Variants in RGS5 observed in about 807,000 individuals in gnomAD.
The protein encoded by RGS5 is regulator of G-protein signalling 5.
RGS5 carries 20 observed loss-of-function variants against 18.9 expected under a neutral mutation model. The ratio of observed to expected loss-of-function variants is 1.06; its 90% CI spans 0.74 to 1.54. The LOEUF (loss-of-function observed/expected upper bound fraction) is 1.54. Among genes scored for constraint, RGS5 ranks in the 40% most tolerant of loss-of-function variants. The pLI, the probability that RGS5 is intolerant of heterozygous loss-of-function variation, is 0.00. For missense variants in RGS5, 201 were observed against 211.8 expected (o/e 0.95, Z 0.32); for synonymous variants, 57 against 76.2 (o/e 0.75, Z 1.31).
At chr1:163,180,684 C>CTTTTTTTTTTTTTTT (rs1429373041) in intron 1 of RGS5, among the ~76,000 whole-genome samples, 2 of 81,906 alleles carry the variant, frequency 2.4e-5, no homozygotes, top group African/African-American at 4.8e-5. Context: ...AGCCCTTACC[C>CTTTTTTTTTTTTTTT]TGTTTTTTTT....
At chr1:163,204,408 G>A (rs1659891822), upstream of RGS5, among the ~76,000 whole-genome samples, 1 of 151,900 alleles carries the variant, frequency 6.6e-6, no homozygotes, top group African/African-American at 2.4e-5. Flanking sequence ...GGAGTGAAGT[G>A]GCATGATTAT....
At chr1:163,166,821 A>C (rs1658076484) in intron 2 of RGS5, among the ~76,000 whole-genome samples, 1 of 152,218 alleles carries the variant, frequency 6.6e-6, no homozygotes, top group Non-Finnish European at 1.5e-5. Flanking sequence ...GTGAATGTTA[A>C]AGCAGAGATT....
intron 2 of RGS5, among the ~76,000 whole-genome samples, chr1:163,277,345 T>C (rs1411854804): frequency 6.6e-6 from 1 of 152,218 alleles, no homozygotes; most frequent in African/African-American, 2.4e-5. Flanking sequence ...CTTGGGCACA[T>C]GTCAGGACCT....
intron 1 of RGS5, chr1:163,321,294 C>T (rs938264769): frequency 6.6e-6 from 1 of 152,214 alleles, no homozygotes; most frequent in Non-Finnish European, 1.5e-5. Flanking sequence ...TCACTTCTCT[C>T]TGAGTCCAGT....
chr1:163,285,117 C>T (rs1232044936), intron 2 of RGS5, among the ~76,000 whole-genome samples: 1 of 152,176 alleles, frequency 6.6e-6, no homozygotes, highest in East Asian at 1.9e-4. Flanking sequence ...AATCATCTCC[C>T]ACTGAGTCCC....
At chr1:163,296,784 C>T (rs1014441219) in intron 2 of RGS5, among the ~76,000 whole-genome samples, 2 of 152,144 alleles carry the variant, frequency 1.3e-5, no homozygotes, top group Non-Finnish European at 2.9e-5. Flanking sequence ...GCTCAAGGTA[C>T]ACTACCCCAA....
chr1:163,313,818 G>T (rs548072347), intron 1 of RGS5, among the ~76,000 whole-genome samples: 1 of 152,234 alleles, frequency 6.6e-6, no homozygotes, highest in African/African-American at 2.4e-5. Context: ...TGCTGCACAG[G>T]TTACAAAAAT....
chr1:163,287,424 T>C (rs1649172938), intron 2 of RGS5, among the ~76,000 whole-genome samples: 1 of 152,194 alleles, frequency 6.6e-6, no homozygotes, highest in South Asian at 2.1e-4. Flanking sequence ...ACTGGTTCAT[T>C]AAAGAATCAC....
chr1:163,255,904 T>G (rs1345904968), intron 2 of RGS5, among the ~76,000 whole-genome samples: 1 of 152,084 alleles, frequency 6.6e-6, no homozygotes, highest in East Asian at 1.9e-4. Context: ...TTGACAAAAT[T>G]CAACAACCCT....
rs144925700 is a variant in RGS5 at position 163,165,718 on chromosome 1, C to T, written c.155+2540G>A. On this transcript the variant is annotated intron_variant, in intron 2 of 4. Transcript: ENST00000313961. ...GTCAGGTGTTCGAGACCAGCCTGAC[C>T]AACATGGAGAAACCCTGTCTCTACT... Among the ~76,000 whole-genome samples, 690 of 152,126 alleles carry T rather than the reference C, an allele frequency of 4.5e-3. 5 individuals carry two copies. Among genetic ancestry groups the T allele is most frequent in the African/African-American group, 0.016 (664 of 41,488 alleles).
At chr1:163,217,717 T>G (rs369562342), upstream of RGS5, 1 of 1,314,992 alleles carries the variant, frequency 7.6e-7, no homozygotes, top group Non-Finnish European at 1.0e-6. Flanking sequence ...CTTGATGACA[T>G]TGTTGAGCTA....
chr1:163,185,374 G>A (rs1659026592), intron 1 of RGS5, among the ~76,000 whole-genome samples: 1 of 152,126 alleles, frequency 6.6e-6, no homozygotes, highest in Admixed American at 6.5e-5. Context: ...CTTTTGACTT[G>A]AAATCATCTA....
At chr1:163,275,738 T>G (rs1000741128) in intron 2 of RGS5, among the ~76,000 whole-genome samples, 1 of 152,132 alleles carries the variant, frequency 6.6e-6, no homozygotes, top group Non-Finnish European at 1.5e-5. Context: ...ATGGCAGAAA[T>G]AGGGCTAATT....
chr1:163,264,918 C>A (rs1365759177), intron 2 of RGS5, among the ~76,000 whole-genome samples: 2 of 152,078 alleles, frequency 1.3e-5, no homozygotes, highest in Non-Finnish European at 2.9e-5. Flanking sequence ...AGACCCTTAC[C>A]CCTCTGAATC....
intron 1 of RGS5, among the ~76,000 whole-genome samples, chr1:163,215,217 A>G (rs909134046): frequency 3.3e-5 from 5 of 152,188 alleles, no homozygotes; most frequent in African/African-American, 1.2e-4. Flanking sequence ...TTCATCGTAT[A>G]TAGTCAAAAT....
intron 1 of RGS5, among the ~76,000 whole-genome samples, chr1:163,189,907 G>A (rs1441458533): frequency 6.6e-6 from 1 of 152,178 alleles, no homozygotes; most frequent in African/African-American, 2.4e-5. Flanking sequence ...GAAATTGAGA[G>A]AACAGAAAAA....
intron 1 of RGS5, among the ~76,000 whole-genome samples, chr1:163,175,902 T>G (rs1164337325): frequency 1.3e-5 from 2 of 152,150 alleles, no homozygotes; most frequent in Non-Finnish European, 2.9e-5. Context: ...AGTAGTAGTA[T>G]TAATGTGTTA....
At chr1:163,196,401 G>C (rs922139194) in intron 1 of RGS5, among the ~76,000 whole-genome samples, 9 of 152,190 alleles carry the variant, frequency 5.9e-5, no homozygotes, top group Middle Eastern at 3.4e-3. Flanking sequence ...CATCTATCCC[G>C]TAATATTGTG....
chr1:163,281,587 T>C (rs1217864244), intron 2 of RGS5, among the ~76,000 whole-genome samples: 2 of 151,984 alleles, frequency 1.3e-5, no homozygotes, highest in South Asian at 2.1e-4. Flanking sequence ...TCCCCATGAG[T>C]CAACACCTCC....
Sources: allele counts gnomAD v4.1 joint callset (sites outside exome capture counted in the v4.1 genomes callset), GRCh38; gene constraint gnomAD v4.1.1; transcripts MANE v1.5; gene names NCBI Gene and HGNC (gene_info 2026-07-23, HGNC 2026-07-21).